Variants in EIF2B3 observed in about 807,000 individuals in gnomAD.
EIF2B3 encodes eukaryotic translation initiation factor 2B subunit gamma.
In EIF2B3, 20 loss-of-function variants were observed where a neutral mutation model predicts 54.1. That is an observed-to-expected ratio of 0.37 (90% CI 0.26 to 0.54). EIF2B3 has a LOEUF of 0.54. Among genes scored for constraint, EIF2B3 ranks in the 20% least tolerant of loss-of-function variants. The pLI, the probability that EIF2B3 is intolerant of heterozygous loss-of-function variation, is 0.86. For synonymous variants in EIF2B3, 153 were observed against 188.1 expected (o/e 0.81, Z 1.52); for missense variants, 448 against 547.8 (o/e 0.82, Z 1.82).
intron 3 of EIF2B3, among the ~76,000 whole-genome samples, chr1:44,950,857 T>A (rs1383908346): frequency 6.6e-6 from 1 of 152,092 alleles, no homozygotes; most frequent in Non-Finnish European, 1.5e-5. Context: ...CCTGGCTGAT[T>A]TTTGTATTTT....
At chr1:44,858,439 C>T (rs143988819) in intron 10 of EIF2B3, among the ~76,000 whole-genome samples, 2 of 152,208 alleles carry the variant, frequency 1.3e-5, no homozygotes, top group East Asian at 3.9e-4. Context: ...ACTCTCACCA[C>T]AGACTCTGGT....
intron 3 of EIF2B3, among the ~76,000 whole-genome samples, chr1:44,977,665 A>T (rs183809): frequency 0.31 from 47,090 of 151,954 alleles, 8,150 homozygotes; most frequent in African/African-American, 0.45. Flanking sequence ...GGGTCTTACC[A>T]CGTTGACCAG....
At chr1:44,901,441 G>C (rs944797964) in intron 5 of EIF2B3, among the ~76,000 whole-genome samples, 10 of 151,518 alleles carry the variant, frequency 6.6e-5, no homozygotes, top group Admixed American at 6.6e-4. Flanking sequence ...TATAGAGATA[G>C]GGTCTCACTT....
chr1:44,877,205 A>T (rs1319301222), intron 8 of EIF2B3, among the ~76,000 whole-genome samples: 2 of 146,964 alleles, frequency 1.4e-5, no homozygotes, highest in Non-Finnish European at 3.0e-5. Context: ...AAAAAAAAAA[A>T]AAAAAAAAAA....
chr1:44,897,447 G>T lies in EIF2B3; in HGVS notation c.567-3C>A. On this transcript the variant is annotated splice_polypyrimidine_tract_variant and splice_region_variant and intron_variant, in intron 5 of 11. Coordinates refer to ENST00000360403, the MANE Select transcript of EIF2B3 (RefSeq NM_020365.5). ...TGTGGAAACGTATTCTAGGATGCCT[G>T]CAAAAAAATAAAAAATAAAAGAAAG... 6.2e-7 allele frequency: 1 copy of T among 1,603,256 alleles called. No homozygotes were observed.
chr1:44,868,496 ATT>A (rs57428854), intron 10 of EIF2B3, among the ~76,000 whole-genome samples: 16 of 135,390 alleles, frequency 1.2e-4, no homozygotes, highest in Admixed American at 2.3e-4. Context: ...CTAACACTGG[ATT>A]TTTTTTTTTT....
At chr1:44,906,406 G>GT (rs1643410799) in intron 5 of EIF2B3, among the ~76,000 whole-genome samples, 1 of 152,152 alleles carries the variant, frequency 6.6e-6, no homozygotes, top group Non-Finnish European at 1.5e-5. Context: ...CATGGCTAGA[G>GT]TTATACTAAA....
chr1:44,912,385 A>G (rs1213002920), intron 5 of EIF2B3, among the ~76,000 whole-genome samples: 1 of 152,172 alleles, frequency 6.6e-6, no homozygotes, highest in Admixed American at 6.5e-5. Flanking sequence ...TATCCTACAT[A>G]CTTCTGTCAG....
chr1:44,893,934 C>T (rs1655884254), intron 6 of EIF2B3, among the ~76,000 whole-genome samples: 1 of 152,102 alleles, frequency 6.6e-6, no homozygotes. Flanking sequence ...GTATATATTG[C>T]CCATGGCTTT....
chr1:44,909,463 A>G (rs1258236427), intron 5 of EIF2B3, among the ~76,000 whole-genome samples: 2 of 152,210 alleles, frequency 1.3e-5, no homozygotes, highest in African/African-American at 4.8e-5. Context: ...TAAACCATCT[A>G]TAAGGAAAGC....
intron 3 of EIF2B3, 52 bp from the exon 4 acceptor site, chr1:44,941,717 C>T (rs377508889): frequency 1.1e-5 from 18 of 1,604,060 alleles, no homozygotes; most frequent in Non-Finnish European, 1.5e-5. Flanking sequence ...ATGGATTACA[C>T]AAATCATCAC....
chr1:44,918,068 C>T (rs1311203455), intron 5 of EIF2B3, among the ~76,000 whole-genome samples: 2 of 143,872 alleles, frequency 1.4e-5, no homozygotes, highest in African/African-American at 5.1e-5. Flanking sequence ...CCACTGTGCC[C>T]AGCCTTTTTT....
At chr1:44,909,998 C>T (rs1240366360) in intron 5 of EIF2B3, among the ~76,000 whole-genome samples, 1 of 152,150 alleles carries the variant, frequency 6.6e-6, no homozygotes, top group East Asian at 1.9e-4. Flanking sequence ...CCAAGATGAC[C>T]TTGTGAACAT....
At position 44,978,253 on chromosome 1, in the gene EIF2B3, G is replaced by C. The variant is rs1225620530; in HGVS notation, c.294+62C>G. 13 of 1,591,998 alleles carry C rather than the reference G, an allele frequency of 8.2e-6. No individual in the cohort carries two copies. In the Admixed American group the frequency reaches 2.2e-4, roughly 27 times the overall value. On this transcript the variant is annotated intron_variant, in intron 3 of 11. Coordinates refer to ENST00000360403, the MANE Select transcript of EIF2B3 (RefSeq NM_020365.5). ...CTCAAAAAAAAGACTATAATGCACT[G>C]GGAAAACATAAGATATCATCTATCT...
chr1:44,906,048 G>A (rs1170759790), intron 5 of EIF2B3, among the ~76,000 whole-genome samples: 2 of 152,184 alleles, frequency 1.3e-5, no homozygotes, highest in African/African-American at 4.8e-5. Flanking sequence ...TCAAAGATAA[G>A]CCCAAGAGTG....
Position 44,981,107 on chromosome 1 carries a change from G to T in EIF2B3, c.62C>A (p.Ser21Tyr). ...GGGSRMTDLT[S>Y]SIPKPLLPVG... ...TGGAAGCAGAGGTTTGGGAATGCTG[G>T]AAGTTAGGTCTGTCATCCGAGATCC... The change falls in exon 2 of 12, where the codon TCC (serine) becomes TAC (tyrosine). Residue 21 changes from serine (S) to tyrosine (Y), a missense_variant. This residue lies in a region of EIF2B3 where 95 missense variants were observed against 115.7 expected (regional missense o/e 0.82). Transcript: ENST00000360403. 1 of 1,612,718 alleles carries T rather than the reference G, an allele frequency of 6.2e-7. No individual in the cohort carries two copies.
chr1:44,937,883 CAAAAAAAAAAAAAAAAAAAAAAAAAA>C (rs34363661), intron 4 of EIF2B3, among the ~76,000 whole-genome samples: 15 of 33,534 alleles, frequency 4.5e-4, no homozygotes, highest in Admixed American at 2.1e-3. Flanking sequence ...GACTCCGTCT[CAAAAAAAAAAAAAAAAAAAAAAAAAA>C]AAAAAAAAAA....
chr1:44,942,931 C>G (rs1052418206), intron 3 of EIF2B3, among the ~76,000 whole-genome samples: 1 of 152,042 alleles, frequency 6.6e-6, no homozygotes, highest in Admixed American at 6.5e-5. Flanking sequence ...TCTCGGCTCA[C>G]GGCAAGCTCC....
chr1:44,900,073 A>G (rs1643249951), intron 5 of EIF2B3, among the ~76,000 whole-genome samples: 1 of 152,208 alleles, frequency 6.6e-6, no homozygotes, highest in Non-Finnish European at 1.5e-5. Flanking sequence ...TAAGCAAAGT[A>G]ATGTAGAAAC....
Sources: gnomAD v4.1 joint callset for allele counts (sites outside exome capture counted in the v4.1 genomes callset) on GRCh38, gnomAD v4.1.1 for gene constraint, gnomAD v4.1.1 regional missense constraint, MANE v1.5 for transcripts, NCBI Gene and HGNC (gene_info 2026-07-23, HGNC 2026-07-21) for gene names.